The following PDE4D variants were observed in gnomAD, a reference collection of about 807,000 sequenced individuals.
The protein encoded by PDE4D is 3',5'-cyclic-AMP phosphodiesterase 4D.
In PDE4D, 24 loss-of-function variants were observed where a neutral mutation model predicts 87.4. The ratio of observed to expected loss-of-function variants is 0.27; its 90% CI spans 0.20 to 0.39. The LOEUF is 0.39. PDE4D is among the 10% of genes least tolerant of loss of function. The pLI, the probability that PDE4D is intolerant of heterozygous loss-of-function variation, is 1.00. For synonymous variants in PDE4D, 384 were observed against 383.2 expected (o/e 1.00, Z -0.02); for missense variants, 714 against 1,041.0 (o/e 0.69, Z 4.32).
At chr5:59,463,904 T>C (rs903882032) in intron 1 of PDE4D, among the ~76,000 whole-genome samples, 1 of 152,178 alleles carries the variant, frequency 6.6e-6, no homozygotes, top group Non-Finnish European at 1.5e-5. Flanking sequence ...ATTCTGTTAA[T>C]CTGTGACCTT....
intron 6 of PDE4D, among the ~76,000 whole-genome samples, chr5:59,034,378 C>T (rs1183356881): frequency 1.3e-5 from 2 of 152,154 alleles, no homozygotes; most frequent in South Asian, 4.1e-4. Context: ...AACTAACATG[C>T]CTTTTCCAAT....
intron 1 of PDE4D, among the ~76,000 whole-genome samples, chr5:60,342,125 G>A (rs1349119148): frequency 4.6e-5 from 7 of 152,208 alleles, no homozygotes; most frequent in African/African-American, 1.7e-4. Context: ...AGACAGAGAA[G>A]AATAAGTGAG....
At chr5:59,938,102 A>G (rs750098103) in intron 3 of PDE4D, among the ~76,000 whole-genome samples, 12 of 152,236 alleles carry the variant, frequency 7.9e-5, no homozygotes, top group African/African-American at 9.6e-5. Context: ...CAAATGTAAC[A>G]TGGGAGAAAA....
At chr5:59,412,989 C>A (rs1359226941) in intron 1 of PDE4D, among the ~76,000 whole-genome samples, 3 of 151,710 alleles carry the variant, frequency 2.0e-5, no homozygotes, top group Non-Finnish European at 2.9e-5. Context: ...ACTTGTCTAT[C>A]TTTTGTTAGA....
intron 1 of PDE4D, among the ~76,000 whole-genome samples, chr5:59,493,897 C>T (rs1490414043): frequency 2.0e-5 from 3 of 152,122 alleles, no homozygotes; most frequent in Non-Finnish European, 4.4e-5. Flanking sequence ...TACGTCTGAG[C>T]ATAAAACAGT....
intron 2 of PDE4D, among the ~76,000 whole-genome samples, chr5:60,064,206 T>G (rs149952094): frequency 3.3e-4 from 50 of 152,234 alleles, no homozygotes; most frequent in African/African-American, 1.2e-3. Context: ...AAGTTAATAC[T>G]TACGGAGGGT....
chr5:59,616,126 C>A (rs1017299309), intron 1 of PDE4D, among the ~76,000 whole-genome samples: 1 of 152,050 alleles, frequency 6.6e-6, no homozygotes, highest in Non-Finnish European at 1.5e-5. Context: ...CCCCTTCCCC[C>A]ACCCCACAAC....
intron 1 of PDE4D, among the ~76,000 whole-genome samples, chr5:60,434,337 G>T (rs1744595322): frequency 6.6e-6 from 1 of 152,128 alleles, no homozygotes; most frequent in Non-Finnish European, 1.5e-5. Context: ...AAGTGATGGG[G>T]ATTGAAAGCT....
At chr5:60,070,906 G>C (rs142602103) in intron 2 of PDE4D, among the ~76,000 whole-genome samples, 1 of 151,728 alleles carries the variant, frequency 6.6e-6, no homozygotes, top group South Asian at 2.1e-4. Context: ...ATCCAGTCTC[G>C]GTTGATTGTA....
intron 1 of PDE4D, among the ~76,000 whole-genome samples, chr5:59,523,586 GA>G (rs1812597653): frequency 1.3e-5 from 2 of 151,776 alleles, no homozygotes; most frequent in African/African-American, 4.8e-5. Flanking sequence ...ACAGAAAGTA[GA>G]AAAAAAAGCT....
chr5:60,353,631 A>G (rs1759372554), intron 1 of PDE4D, among the ~76,000 whole-genome samples: 2 of 152,204 alleles, frequency 1.3e-5, no homozygotes, highest in African/African-American at 4.8e-5. Flanking sequence ...TCAGTACCTT[A>G]TCTCCAGGGA....
At chr5:60,495,975 G>A (rs1303890340) in intron 1 of PDE4D, among the ~76,000 whole-genome samples, 1 of 152,198 alleles carries the variant, frequency 6.6e-6, no homozygotes, top group Non-Finnish European at 1.5e-5. Flanking sequence ...GGCCCCAAGT[G>A]AACAGTGAGT....
chr5:60,112,720 T>C (rs937048013), intron 2 of PDE4D, among the ~76,000 whole-genome samples: 15 of 152,100 alleles, frequency 9.9e-5, no homozygotes, highest in Admixed American at 3.9e-4. Context: ...AGGAGGGCCA[T>C]AACACCCTCT....
intron 1 of PDE4D, among the ~76,000 whole-genome samples, chr5:59,555,610 C>G (rs1450479260): frequency 6.6e-6 from 1 of 152,124 alleles, no homozygotes; most frequent in East Asian, 1.9e-4. Context: ...TAACTCTTTT[C>G]TTAAGGTCTG....
chr5:59,910,547 AATGTTGT>A (rs2152769692), intron 3 of PDE4D, among the ~76,000 whole-genome samples: 1 of 152,342 alleles, frequency 6.6e-6, no homozygotes, highest in East Asian at 1.9e-4. Flanking sequence ...CTCTGGTCTA[AATGTTGT>A]ATGAAAATCT....
At chr5:60,288,926 T>C (rs1166069289) in intron 1 of PDE4D, among the ~76,000 whole-genome samples, 1 of 152,218 alleles carries the variant, frequency 6.6e-6, no homozygotes. Context: ...GAATTCATTT[T>C]TCAGAATCAT....
intron 1 of PDE4D, among the ~76,000 whole-genome samples, chr5:60,482,015 C>T (rs1189591045): frequency 2.6e-5 from 4 of 152,064 alleles, no homozygotes; most frequent in Non-Finnish European, 5.9e-5. Flanking sequence ...GCAGAAATAG[C>T]TTAGTGGATC....
intron 1 of PDE4D, among the ~76,000 whole-genome samples, chr5:60,411,244 C>T (rs115198151): frequency 0.021 from 3,208 of 152,212 alleles, 109 homozygotes; most frequent in African/African-American, 0.073. Context: ...GTTCATTTTC[C>T]ATTAACTGTA....
chr5:59,515,343 T>C (rs1810968918), intron 1 of PDE4D, among the ~76,000 whole-genome samples: 1 of 152,226 alleles, frequency 6.6e-6, no homozygotes, highest in Non-Finnish European at 1.5e-5. Flanking sequence ...AAATGCAGGT[T>C]CTCAGTGCCT....
Sources: allele counts gnomAD v4.1 joint callset (sites outside exome capture counted in the v4.1 genomes callset), GRCh38; gene constraint gnomAD v4.1.1; transcripts MANE v1.5; gene names NCBI Gene and HGNC (gene_info 2026-07-23, HGNC 2026-07-21).